Variants in DMD observed in about 807,000 individuals in gnomAD.
DMD encodes the protein dystrophin.
A neutral mutation model predicts 330.1 loss-of-function variants in DMD; 63 were observed. The observed-to-expected ratio is 0.19, with a 90% confidence interval of 0.16 to 0.24. DMD has a LOEUF of 0.24. Ranked by LOEUF, DMD falls within the 10% of genes least tolerant of loss-of-function variation. The probability of loss-of-function intolerance (pLI) is 1.00; values close to 1 mark genes in which losing one functional copy is unlikely to be tolerated. For missense variants in DMD, 3,344 were observed against 2,684.1 expected (o/e 1.25, Z -5.43); for synonymous variants, 1,223 against 959.8 (o/e 1.27, Z -5.07).
intron 47 of DMD, among the ~76,000 whole-genome samples, chrX:31,904,802 C>G (rs1301670545): frequency 8.9e-6 from 1 of 111,745 alleles, no homozygotes; most frequent in African/African-American, 3.2e-5. Flanking sequence ...TATGGATAAT[C>G]TATGCCTAGA....
intron 2 of DMD, among the ~76,000 whole-genome samples, chrX:32,939,417 T>C (rs1602075979): frequency 9.0e-6 from 1 of 110,753 alleles, no homozygotes; most frequent in East Asian, 2.8e-4. Context: ...AAAATGATGA[T>C]GTAGACAGAA....
At chrX:32,378,595 A>G (rs2097913130) in intron 34 of DMD, among the ~76,000 whole-genome samples, 1 of 110,621 alleles carries the variant, frequency 9.0e-6, no homozygotes, top group African/African-American at 3.3e-5. Context: ...ACGAAAATAA[A>G]TATAATGTTC....
chrX:32,602,432 G>C (rs1263941573), intron 12 of DMD, among the ~76,000 whole-genome samples: 5 of 111,724 alleles, frequency 4.5e-5, no homozygotes, highest in African/African-American at 1.6e-4. Context: ...AAGAAAAGAA[G>C]ATTATTGGGA....
intron 9 of DMD, among the ~76,000 whole-genome samples, chrX:32,683,435 C>T (rs745828989): frequency 9.1e-6 from 1 of 109,546 alleles, no homozygotes; most frequent in South Asian, 4.0e-4. Flanking sequence ...AAATGTGCCA[C>T]ATATACACCA....
intron 9 of DMD, among the ~76,000 whole-genome samples, chrX:32,655,332 G>A (rs1330878558): frequency 8.9e-6 from 1 of 112,162 alleles, no homozygotes; most frequent in Non-Finnish European, 1.9e-5. Context: ...ATTCTGGTAT[G>A]TTGTGTCTTT....
At chrX:32,350,396 C>T (rs138428589) in intron 37 of DMD, among the ~76,000 whole-genome samples, 212 of 111,225 alleles carry the variant, frequency 1.9e-3, no homozygotes, top group Non-Finnish European at 2.3e-3. Flanking sequence ...TTATCTTTCC[C>T]GCAAACTGCT....
At chrX:32,768,468 A>G (rs886761713) in intron 7 of DMD, among the ~76,000 whole-genome samples, 23 of 112,230 alleles carry the variant, frequency 2.0e-4, no homozygotes, top group Non-Finnish European at 3.9e-4. Flanking sequence ...CAAATTGAAC[A>G]CTTTTCAGCA....
intron 44 of DMD, among the ~76,000 whole-genome samples, chrX:31,991,358 TACTATGAC>T (rs1442065839): frequency 4.7e-4 from 52 of 110,929 alleles, no homozygotes; most frequent in African/African-American, 1.5e-3. Flanking sequence ...CAACGTAAGG[TACTATGAC>T]TTTTATCTAA....
chrX:32,447,232 G>C (rs181711086), intron 27 of DMD, among the ~76,000 whole-genome samples: 28 of 110,634 alleles, frequency 2.5e-4, no homozygotes, highest in East Asian at 2.0e-3. Context: ...GACATGTACA[G>C]TGCCATCAGA....
intron 51 of DMD, among the ~76,000 whole-genome samples, chrX:31,770,333 C>T (rs1350225822): frequency 8.9e-6 from 1 of 112,013 alleles, no homozygotes; most frequent in Non-Finnish European, 1.9e-5. Context: ...AGTCTGGCAA[C>T]AAAGGATTCC....
At position 32,178,940 on chromosome X, in the gene DMD, T is replaced by TTCTCTCTCTCTC. The variant is rs528690053; in HGVS notation, c.6438+37964_6438+37975dup. 1.8e-3 allele frequency among the ~76,000 whole-genome samples: 125 copies of TTCTCTCTCTCTC among 68,597 alleles called. 4 individuals are homozygous for TTCTCTCTCTCTC. The East Asian group carries it at 0.027, about 15-fold the overall frequency. 59.6% of individuals were successfully genotyped at this position (68,597 alleles called of 115,157 possible). A position where few individuals can be genotyped will look rare whatever the true frequency, so the allele number is the denominator to read the frequency against. ...TTAGCCCTTCCATAGAAACCCCAGA[T>TTCTCTCTCTCTC]TCTCTCTCTCTCTCTCTCTCTCTCT... is the stretch of plus-strand genomic sequence containing the variant. On this transcript the variant is annotated intron_variant, in intron 44 of 78. Transcript: ENST00000357033.
intron 1 of DMD, among the ~76,000 whole-genome samples, chrX:33,283,490 C>T (rs1413834608): frequency 1.9e-5 from 2 of 105,122 alleles, no homozygotes; most frequent in East Asian, 6.1e-4. Context: ...CACCATTGTA[C>T]TCCAGCCTGG....
chrX:32,773,959 C>A (rs140402455), intron 7 of DMD, among the ~76,000 whole-genome samples: 3,173 of 110,972 alleles, frequency 0.029, 108 homozygotes, highest in African/African-American at 0.098. Flanking sequence ...TGATATCTGG[C>A]CCATCCTGGA....
intron 55 of DMD, among the ~76,000 whole-genome samples, chrX:31,514,033 T>C (rs1189488571): frequency 4.5e-5 from 5 of 111,870 alleles, no homozygotes; most frequent in African/African-American, 1.6e-4. Flanking sequence ...TTCCTATTAA[T>C]AATGCTACTA....
intron 60 of DMD, among the ~76,000 whole-genome samples, chrX:31,404,087 C>T (rs890160198): frequency 1.8e-5 from 2 of 110,004 alleles, no homozygotes; most frequent in African/African-American, 6.6e-5. Flanking sequence ...GACATACATA[C>T]GTAGTGTGTA....
chrX:33,135,203 A>C (rs1431918017), intron 1 of DMD, among the ~76,000 whole-genome samples: 1 of 111,929 alleles, frequency 8.9e-6, no homozygotes, highest in Non-Finnish European at 1.9e-5. Flanking sequence ...TTAGATTATA[A>C]GATATTTAAG....
chrX:32,761,300 G>A (rs1038550857), intron 7 of DMD, among the ~76,000 whole-genome samples: 1 of 110,947 alleles, frequency 9.0e-6, no homozygotes, highest in African/African-American at 3.3e-5. Flanking sequence ...GTGATAAATC[G>A]GTGATGCTCT....
At chrX:32,655,343 G>C (rs2060484728) in intron 9 of DMD, among the ~76,000 whole-genome samples, 1 of 112,014 alleles carries the variant, frequency 8.9e-6, no homozygotes. Context: ...TTGTGTCTTT[G>C]TTCTCATTGG....
At chrX:32,129,058 G>T (rs2096675018) in intron 44 of DMD, among the ~76,000 whole-genome samples, 1 of 111,450 alleles carries the variant, frequency 9.0e-6, no homozygotes, top group South Asian at 3.8e-4. Context: ...GTTACAGTTT[G>T]CTCTAGATAC....
Sources: allele counts gnomAD v4.1 joint callset (sites outside exome capture counted in the v4.1 genomes callset), GRCh38; gene constraint gnomAD v4.1.1; transcripts MANE v1.5; gene names NCBI Gene and HGNC (gene_info 2026-07-23, HGNC 2026-07-21).